Variants in BBIP1 observed in about 807,000 individuals in gnomAD.
BBIP1 encodes BBSome interacting protein 1.
In BBIP1, 6 loss-of-function variants were observed where a neutral mutation model predicts 8.9. That is an observed-to-expected ratio of 0.67 (90% CI 0.37 to 1.33). The LOEUF (loss-of-function observed/expected upper bound fraction) is 1.33, where lower values mean the gene tolerates loss of function less well. BBIP1 is among the 40% of genes most tolerant of loss of function. The probability of loss-of-function intolerance (pLI) is 0.02; values close to 1 mark genes in which losing one functional copy is unlikely to be tolerated. For synonymous variants in BBIP1, 32 were observed against 33.4 expected (o/e 0.96, Z 0.14); for missense variants, 111 against 109.2 (o/e 1.02, Z -0.07).
At chr10:110,916,405 C>G (rs561683647) in intron 2 of BBIP1, among the ~76,000 whole-genome samples, 4 of 152,162 alleles carry the variant, frequency 2.6e-5, no homozygotes, top group Non-Finnish European at 5.9e-5. Context: ...GTAAATTCCA[C>G]AAACACTTCT....
intron 2 of BBIP1, chr10:110,904,249 G>GA (rs1439784907): frequency 4.1e-5 from 6 of 147,426 alleles, no homozygotes; most frequent in Admixed American, 2.0e-4. Context: ...ATAAATATGT[G>GA]AGTTTTTTTA....
chr10:110,909,618 A>G (rs1004669955), intron 2 of BBIP1, among the ~76,000 whole-genome samples: 1 of 152,210 alleles, frequency 6.6e-6, no homozygotes, highest in African/African-American at 2.4e-5. Flanking sequence ...CACCTATTAC[A>G]TATTTGGGAA....
chr10:110,906,159 A>C (rs962134980), intron 2 of BBIP1, among the ~76,000 whole-genome samples: 1 of 151,480 alleles, frequency 6.6e-6, no homozygotes. Flanking sequence ...CCCGCCACCA[A>C]GCCCGGCTAA....
intron 3 of BBIP1, chr10:110,900,740 G>A: frequency 2.1e-6 from 1 of 472,420 alleles, no homozygotes; most frequent in Non-Finnish European, 3.7e-6. Context: ...GACAAGTTTT[G>A]AGCGTTCTAC....
chr10:110,907,730 T>G, intron 2 of BBIP1: 3 of 702,066 alleles, frequency 4.3e-6, no homozygotes, highest in Non-Finnish European at 7.8e-6. Context: ...TTGAAGGATA[T>G]GCAAATCCTG....
chr10:110,901,627 C>G lies in BBIP1; in HGVS notation c.38-15G>C. 1 of 1,510,890 alleles carries G rather than the reference C, an allele frequency of 6.6e-7. No homozygotes were observed. Among genetic ancestry groups the G allele is most frequent in the South Asian group, 1.2e-5 (1 of 83,480 alleles). The allele number at this position is 1,510,890 out of a possible 1,614,324, so 93.6% of individuals were successfully genotyped here. ...AGTGTTTTTTCCTTCAATGAGAAAT[C>G]AGTATTATTCAAGAATACATTCCCA... On this transcript the variant is annotated splice_polypyrimidine_tract_variant and intron_variant, in intron 2 of 3. Transcript: ENST00000448814.
rs1846366088 is a variant in BBIP1 at position 110,915,011 on chromosome 10, AAAGAG to A, written c.37+3105_37+3109del. Among the ~76,000 whole-genome samples the A allele has an allele frequency of 5.3e-5, 8 of 152,302 alleles. No homozygotes were observed. In the South Asian group the frequency reaches 1.7e-3, roughly 32 times the overall value. ...TTAGCTATTTCAACAGTGTGCAAGG[AAAGAG>A]AAAAGTTGTTTGATACTTTACAGAG... On this transcript the variant is annotated intron_variant, in intron 2 of 3. Transcript: ENST00000448814.
chr10:110,906,241 C>T (rs1214229772), intron 2 of BBIP1, among the ~76,000 whole-genome samples: 2 of 152,102 alleles, frequency 1.3e-5, no homozygotes, highest in Non-Finnish European at 2.9e-5. Context: ...CTCCTGACCT[C>T]GTGATCCGCC....
intron 2 of BBIP1, among the ~76,000 whole-genome samples, chr10:110,916,402 C>A (rs1846403454): frequency 6.6e-6 from 1 of 152,106 alleles, no homozygotes; most frequent in Non-Finnish European, 1.5e-5. Context: ...GAAGTAAATT[C>A]CACAAACACT....
At chr10:110,905,565 C>T (rs1329074409) in intron 2 of BBIP1, among the ~76,000 whole-genome samples, 3 of 151,520 alleles carry the variant, frequency 2.0e-5, no homozygotes, top group East Asian at 1.9e-4. Context: ...CCGTCCTCCC[C>T]CCACCCCTCC....
chr10:110,900,982 C>T (rs1392247037), intron 3 of BBIP1: 5 of 222,134 alleles, frequency 2.3e-5, no homozygotes, highest in African/African-American at 1.2e-4. Context: ...TCCATTATTT[C>T]TTTCACTGAA....
At position 110,900,505 on chromosome 10, in the gene BBIP1, A is replaced by G. The variant is rs1564689350; in HGVS notation, c.134T>C (p.Ile45Thr). ...PKQGPLFVEDIMTMVLCKPKL... is the reference protein window; with the variant it reads ...PKQGPLFVEDTMTMVLCKPKL... ...GGGTTTACACAGCACCATTGTCATT[A>G]TATCTTCCACAAACAGTGGCCCTAA... Residue 45 changes from isoleucine (I) to threonine (T), a missense_variant, in exon 4 of 4, where the codon ATA (isoleucine) becomes ACA (threonine). By Grantham distance (89) the Ile-to-Thr change is moderately conservative. Coordinates refer to ENST00000448814, the MANE Select transcript of BBIP1 (RefSeq NM_001195305.3). The G allele has an allele frequency of 6.5e-6, 10 of 1,532,874 alleles. No individual in the cohort carries two copies. The highest frequency in any genetic ancestry group is 2.5e-5 in the East Asian group (1 of 40,692). The allele number at this position is 1,532,874 out of a possible 1,614,324, so 95.0% of individuals were successfully genotyped here.
intron 2 of BBIP1, among the ~76,000 whole-genome samples, chr10:110,917,465 C>G (rs533593298): frequency 1.3e-5 from 2 of 152,160 alleles, no homozygotes; most frequent in East Asian, 3.9e-4. Context: ...AAAATGTTAA[C>G]TGCTGCATAT....
chr10:110,918,704 G>C (rs974389208), intron 1 of BBIP1: 1 of 152,416 alleles, frequency 6.6e-6, no homozygotes, highest in Admixed American at 6.5e-5. Flanking sequence ...CCTCACGGGG[G>C]CGGGCCGCCG....
chr10:110,910,677 G>A (rs1277565041), intron 2 of BBIP1: 1 of 152,154 alleles, frequency 6.6e-6, no homozygotes, highest in Non-Finnish European at 1.5e-5. Context: ...ACTGCCAGTG[G>A]GTGATAAGGA....
intron 2 of BBIP1, chr10:110,912,158 C>T (rs77642922): frequency 0.012 from 1,547 of 128,116 alleles, 33 homozygotes; most frequent in African/African-American, 0.042. Flanking sequence ...CTTTTCTTTT[C>T]TTTTTTTTTT....
chr10:110,900,295 A>G lies in BBIP1; in HGVS notation c.*65T>C, dbSNP rs146994335. On this transcript the variant is annotated 3_prime_UTR_variant, in exon 4 of 4. Coordinates refer to ENST00000448814, the MANE Select transcript of BBIP1 (RefSeq NM_001195305.3). ...CATACTACTTTCAGCACACAGAAGC[A>G]TATTTTCTAGTTATTGTTAAATAGT... The G allele has an allele frequency of 6.4e-6, 9 of 1,395,968 alleles. No individual in the cohort carries two copies. The highest frequency in any genetic ancestry group is 1.4e-5 in the African/African-American group (1 of 68,978). The allele number at this position is 1,395,968 out of a possible 1,614,324, so 86.5% of individuals were successfully genotyped here.
At chr10:110,903,786 T>C (rs183370961) in intron 2 of BBIP1, 1 of 152,284 alleles carries the variant, frequency 6.6e-6, no homozygotes, top group East Asian at 1.9e-4. Context: ...GGCTATATGG[T>C]AGAGTGTACT....
intron 2 of BBIP1, among the ~76,000 whole-genome samples, chr10:110,909,281 C>G (rs1846216703): frequency 1.3e-5 from 2 of 152,124 alleles, no homozygotes; most frequent in South Asian, 2.1e-4. Context: ...CACTGCAACC[C>G]CCACCTCCTG....
Sources: allele counts gnomAD v4.1 joint callset (sites outside exome capture counted in the v4.1 genomes callset), GRCh38; gene constraint gnomAD v4.1.1; transcripts MANE v1.5; gene names NCBI Gene and HGNC (gene_info 2026-07-23, HGNC 2026-07-21).